Variants in TSC2 observed in about 807,000 individuals in gnomAD.
The protein encoded by TSC2 is tuberin.
TSC2 carries 29 observed loss-of-function variants against 202.2 expected under a neutral mutation model. That is an observed-to-expected ratio of 0.14 (90% CI 0.11 to 0.20). The LOEUF (loss-of-function observed/expected upper bound fraction) is 0.20, where lower values mean the gene tolerates loss of function less well. Among genes scored for constraint, TSC2 ranks in the 10% least tolerant of loss-of-function variants. The probability of loss-of-function intolerance (pLI) is 1.00; values close to 1 mark genes in which losing one functional copy is unlikely to be tolerated. For missense variants in TSC2, 2,429 were observed against 2,420.0 expected (o/e 1.00, Z -0.08); for synonymous variants, 1,349 against 1,044.0 (o/e 1.29, Z -5.63).
At chr16:2,071,646 G>C (rs1596343110) in intron 18 of TSC2, 30 bp downstream of exon 18, 1 of 1,612,284 alleles carries the variant, frequency 6.2e-7, no homozygotes, top group Non-Finnish European at 8.5e-7. Context: ...CGGCCCATGA[G>C]GCTCAGGGCG....
At position 2,086,512 on chromosome 16, in the gene TSC2, C is replaced by T. The variant is rs944130241; in HGVS notation, c.4849+133C>T. 93 of 1,431,970 alleles carry T rather than the reference C, an allele frequency of 6.5e-5. No individual in the cohort carries two copies. In the African/African-American group the frequency reaches 8.0e-4, roughly 12 times the overall value. The allele number at this position is 1,431,970 out of a possible 1,614,324, so 88.7% of individuals were successfully genotyped here. The stretch of plus-strand genomic sequence containing the variant: ...CTCCAGCTCCCCACGCCTCAGGTTC[C>T]GAGCCTAACAGCGTGGGCATGGAGG... On this transcript the variant is annotated intron_variant, in intron 37 of 41. Transcript: ENST00000219476.
rs757722513 is a variant in TSC2 at position 2,071,836 on chromosome 16, A to G, written c.1999A>G (p.Thr667Ala). The part of the protein sequence containing the change: ...KKTSGPLSPP[T>A]GPPGPAPAGP... ...GACCAGCGGCCCCCTTTCTCCTCCC[A>G]CAGGGCCTCCTGGCCCGGCGCCTGC... The change falls in exon 19 of 42, where the codon ACA (threonine) becomes GCA (alanine). Residue 667 changes from threonine (T) to alanine (A), a missense_variant. Coordinates refer to ENST00000219476, the MANE Select transcript of TSC2 (RefSeq NM_000548.5). The G allele has an allele frequency of 1.9e-6, 3 of 1,586,434 alleles. No individual in the cohort carries two copies. The South Asian group carries it at 3.4e-5, about 18-fold the overall frequency.
chr16:2,058,316 G>C (rs967767926), intron 9 of TSC2, among the ~76,000 whole-genome samples: 2 of 152,212 alleles, frequency 1.3e-5, no homozygotes, highest in African/African-American at 4.8e-5. Flanking sequence ...CCTTTGCCGA[G>C]TTACTCTGTT....
Position 2,088,082 on chromosome 16 carries a change from G to C in TSC2, c.5103G>C (p.Lys1701Asn), listed in dbSNP as rs768476974. Residue 1701 changes from lysine to asparagine, a missense_variant, in exon 40 of 42, where the codon AAG becomes AAC. By Grantham distance (94) the Lys-to-Asn change is moderately conservative. Transcript: ENST00000219476. ...GCCTTGTGGACACCAGCGTGGCCAA[G>C]ATCGTGTCTGACCGCAACCTGCCCT... Reference protein sequence around the residue: ...MEGLVDTSVAKIVSDRNLPFV... With the variant: ...MEGLVDTSVANIVSDRNLPFV... 1.2e-6 allele frequency: 2 copies of C among 1,612,806 alleles called. No homozygotes were observed. The highest frequency in any genetic ancestry group is 1.7e-6 in the Non-Finnish European group (2 of 1,180,008).
Position 2,088,884 on chromosome 16 carries a change from CACA to C in TSC2, c.*275_*277del, listed in dbSNP as rs2091279236. On this transcript the variant is annotated 3_prime_UTR_variant, in exon 42 of 42. Transcript: ENST00000219476. ...GCACACTCGCGCGTGCGCGCGCGCACACACACACACACACAGTCACCTTCCTCC... is the reference window on the plus strand; with the variant it reads ...GCACACTCGCGCGTGCGCGCGCGCACCACACACACACAGTCACCTTCCTCC... 9.1e-6 allele frequency: 3 copies of C among 328,134 alleles called. No homozygotes were observed. The highest frequency in any genetic ancestry group is 3.0e-5 in the South Asian group (1 of 33,744). 20.3% of individuals were successfully genotyped at this position (328,134 alleles called of 1,614,324 possible).
chr16:2,080,126 G>A (rs1308576701), intron 29 of TSC2, 39 bp from the exon 30 acceptor site: 2 of 1,611,586 alleles, frequency 1.2e-6, no homozygotes, highest in Non-Finnish European at 1.7e-6. Context: ...TTTTGCATCA[G>A]GTAAGTGGTG....
chr16:2,080,113 T>C (rs1278910676), intron 29 of TSC2, 52 bp from the exon 30 acceptor site: 1 of 1,606,154 alleles, frequency 6.2e-7, no homozygotes, highest in Non-Finnish European at 8.5e-7. Flanking sequence ...TTGAGGCTGG[T>C]GGTTTTGCAT....
chr16:2,085,510 A>T (rs1369460858), intron 36 of TSC2, among the ~76,000 whole-genome samples, 188 bp downstream of exon 36: 2 of 152,158 alleles, frequency 1.3e-5, no homozygotes, highest in East Asian at 3.9e-4. Context: ...TGCGAGTGAC[A>T]GGTTAGCGTG....
intron 36 of TSC2, 102 bp from the exon 37 acceptor site, chr16:2,086,091 C>G: frequency 7.2e-7 from 1 of 1,390,190 alleles, no homozygotes; most frequent in Admixed American, 1.8e-5. Context: ...CCTCAGGGAT[C>G]AGAGTGGGGC....
rs2151139947 is a variant in TSC2, at chr16:2,060,829, G to A, written c.1119+16G>A. 1.9e-6 allele frequency: 3 copies of A among 1,612,228 alleles called. No individual in the cohort carries two copies. The highest frequency in any genetic ancestry group is 2.5e-6 in the Non-Finnish European group (3 of 1,179,846). ...GCAGCTCCAGGTGGGGTGGGGGCAG[G>A]AGCTCCGGGGAGCACCGGGAACCCA... On this transcript the variant is annotated intron_variant, in intron 11 of 41. Coordinates refer to ENST00000219476, the MANE Select transcript of TSC2 (RefSeq NM_000548.5).
intron 34 of TSC2, 48 bp downstream of exon 34, chr16:2,084,763 A>G: frequency 6.3e-7 from 1 of 1,598,368 alleles, no homozygotes; most frequent in Non-Finnish European, 8.5e-7. Flanking sequence ...CTCCTGCGGG[A>G]ACCTGGTGCC....
At chr16:2,076,606 C>G in intron 25 of TSC2, 21 bp downstream of exon 25, 1 of 1,611,718 alleles carries the variant, frequency 6.2e-7, no homozygotes, top group South Asian at 1.1e-5. Flanking sequence ...CGGGGGTGTG[C>G]CTGGAGTCGG....
chr16:2,050,740 C>T (rs1466301566), intron 3 of TSC2, among the ~76,000 whole-genome samples: 1 of 151,552 alleles, frequency 6.6e-6, no homozygotes, highest in Non-Finnish European at 1.5e-5. Context: ...TACAGGCACG[C>T]GCCACCACAC....
intron 5 of TSC2, 188 bp from the exon 6 acceptor site, chr16:2,055,214 G>A: frequency 1.5e-6 from 1 of 670,250 alleles, no homozygotes; most frequent in Middle Eastern, 3.9e-4. Flanking sequence ...TCCGTGCGTA[G>A]CCGGCCTGCC....
At position 2,060,904 on chromosome 16, in the gene TSC2, T is replaced by TG. The variant is rs1197646811; in HGVS notation, c.1119+96dup. 40 of 1,510,504 alleles carry TG rather than the reference T, an allele frequency of 2.6e-5. 1 individual carries two copies. The Admixed American group carries it at 5.7e-4, about 22-fold the overall frequency. The allele number at this position is 1,510,504 out of a possible 1,614,324, so 93.6% of individuals were successfully genotyped here. On this transcript the variant is annotated intron_variant, in intron 11 of 41. Coordinates refer to ENST00000219476, the MANE Select transcript of TSC2 (RefSeq NM_000548.5). The stretch of plus-strand genomic sequence containing the variant: ...AAGATGGTACCTTGGGCCCCATCTC[T>TG]GGGGGTCCCGCAGAGACTGCCAGAA...
Position 2,058,802 on chromosome 16 carries a change from G to T in TSC2, c.904G>T (p.Ala302Ser). The change falls in exon 10 of 42, where the codon GCT (alanine) becomes TCT (serine). Residue 302 changes from alanine (A) to serine (S), a missense_variant. Physicochemically the swap from Ala to Ser is moderately conservative, Grantham distance 99. Transcript: ENST00000219476. Reference sequence around the variant, plus strand: ...AGGAGCCGTGTTTTTTGTGGGCATGGCTCTCTGGGGAGCCCACCGGCTCTA... The same window carrying T: ...AGGAGCCGTGTTTTTTGTGGGCATGTCTCTCTGGGGAGCCCACCGGCTCTA... ...LRGAVFFVGM[A>S]LWGAHRLYSL... 6.3e-7 allele frequency: 1 copy of T among 1,598,118 alleles called. No individual in the cohort carries two copies.
intron 32 of TSC2, chr16:2,083,040 G>A (rs892131604): frequency 8.0e-5 from 36 of 448,608 alleles, no homozygotes; most frequent in African/African-American, 5.8e-4. Context: ...ACGTGCAGAC[G>A]AGCTGGTTTG....
intron 9 of TSC2, 133 bp from the exon 10 acceptor site, chr16:2,058,614 A>T (rs1172237943): frequency 1.5e-6 from 2 of 1,353,052 alleles, no homozygotes; most frequent in African/African-American, 2.9e-5. Context: ...GCCCTTCCCC[A>T]GCGGTGCTCC....
rs766646261 is a variant in TSC2 at position 2,071,621 on chromosome 16, G to T, written c.1946+5G>T. The T allele has an allele frequency of 2.5e-6, 4 of 1,613,146 alleles. No homozygotes were observed. The highest frequency in any genetic ancestry group is 3.3e-5 in the Admixed American group (2 of 60,002). ...CTACTGCGTCTGCGACTACATGTAC[G>T]CGGGACCTCGCCCACGGCCCATGAG... On this transcript the variant is annotated splice_donor_5th_base_variant and intron_variant, in intron 18 of 41. Transcript: ENST00000219476.
Sources: gnomAD v4.1 joint callset for allele counts (sites outside exome capture counted in the v4.1 genomes callset) on GRCh38, gnomAD v4.1.1 for gene constraint, MANE v1.5 for transcripts, NCBI Gene and HGNC (gene_info 2026-07-23, HGNC 2026-07-21) for gene names.